The following DLGAP2 variants were observed in gnomAD, a reference collection of about 807,000 sequenced individuals.
DLGAP2 encodes disks large-associated protein 2.
A neutral mutation model predicts 100.3 loss-of-function variants in DLGAP2; 26 were observed. The ratio of observed to expected loss-of-function variants is 0.26; its 90% CI spans 0.19 to 0.36. The LOEUF (loss-of-function observed/expected upper bound fraction) is 0.36, where lower values mean the gene tolerates loss of function less well. Among genes scored for constraint, DLGAP2 ranks in the 10% least tolerant of loss-of-function variants. The probability of loss-of-function intolerance (pLI) is 1.00; values close to 1 mark genes in which losing one functional copy is unlikely to be tolerated. For synonymous variants in DLGAP2, 886 were observed against 630.1 expected, an observed-to-expected ratio of 1.41 and a Z score of -6.08; for missense variants, 1,858 against 1,453.2, an observed-to-expected ratio of 1.28 and a Z score of -4.53.
At chr8:1,462,550 A>T (rs1235695179) in intron 3 of DLGAP2, among the ~76,000 whole-genome samples, 1 of 151,280 alleles carries the variant, frequency 6.6e-6, no homozygotes, top group Non-Finnish European at 1.5e-5. Flanking sequence ...AGGAGGGAGA[A>T]GGGCGGTGTT....
At chr8:1,460,150 C>G (rs983012524) in intron 3 of DLGAP2, among the ~76,000 whole-genome samples, 1 of 152,188 alleles carries the variant, frequency 6.6e-6, no homozygotes, top group East Asian at 1.9e-4. Flanking sequence ...CTGTCCACAC[C>G]ATGCTTCCTT....
At chr8:1,025,679 C>A (rs1801777470) in intron 2 of DLGAP2, among the ~76,000 whole-genome samples, 1 of 152,072 alleles carries the variant, frequency 6.6e-6, no homozygotes, top group African/African-American at 2.4e-5. Context: ...ATGCCTGGCT[C>A]TGATAAAGTG....
chr8:1,357,209 G>A (rs1801875636), intron 3 of DLGAP2, among the ~76,000 whole-genome samples: 3 of 152,062 alleles, frequency 2.0e-5, no homozygotes, highest in Admixed American at 6.6e-5. Context: ...TGCTCAGGTG[G>A]CCTTGGTGCA....
intron 13 of DLGAP2, among the ~76,000 whole-genome samples, chr8:1,693,247 A>C (rs1022815108): frequency 6.7e-6 from 1 of 148,756 alleles, no homozygotes; most frequent in African/African-American, 2.4e-5. Flanking sequence ...TAAAACATGT[A>C]AGTTTACATG....
intron 8 of DLGAP2, among the ~76,000 whole-genome samples, chr8:1,661,477 C>T (rs1409715813): frequency 2.0e-5 from 3 of 152,200 alleles, no homozygotes; most frequent in Non-Finnish European, 4.4e-5. Flanking sequence ...TCATCAGATG[C>T]TGCAGGAAAG....
At chr8:848,910 GCATAGGAACGCGCGGTGCCTGTTC>G (rs1358097133) in intron 1 of DLGAP2, among the ~76,000 whole-genome samples, 2 of 150,644 alleles carry the variant, frequency 1.3e-5, no homozygotes, top group Non-Finnish European at 3.0e-5. Flanking sequence ...GCCTGTTCCA[GCATAGGAACGCGCGGTGCCTGTTC>G]CAGCATAGGA....
At chr8:957,164 A>T (rs1335505367) in intron 2 of DLGAP2, among the ~76,000 whole-genome samples, 1 of 152,220 alleles carries the variant, frequency 6.6e-6, no homozygotes, top group Non-Finnish European at 1.5e-5. Context: ...CTGGCTTCGG[A>T]GAGAGTCCTG....
At chr8:1,110,640 A>C (rs1804925247) in intron 2 of DLGAP2, among the ~76,000 whole-genome samples, 1 of 151,882 alleles carries the variant, frequency 6.6e-6, no homozygotes, top group South Asian at 2.1e-4. Context: ...ACTGTCCCTG[A>C]AATTAGGGGA....
intron 3 of DLGAP2, among the ~76,000 whole-genome samples, chr8:1,359,942 C>T (rs1454601416): frequency 1.3e-5 from 2 of 152,298 alleles, no homozygotes; most frequent in South Asian, 2.1e-4. Flanking sequence ...TAAACAGGAC[C>T]GTCCTGAGTT....
intron 1 of DLGAP2, among the ~76,000 whole-genome samples, chr8:862,206 C>T (rs536035917): frequency 7.9e-5 from 12 of 152,170 alleles, no homozygotes; most frequent in South Asian, 6.2e-4. Flanking sequence ...CGGGCTGAGT[C>T]GCACCCAGAT....
intron 2 of DLGAP2, among the ~76,000 whole-genome samples, chr8:1,210,931 A>T (rs546954962): frequency 9.1e-6 from 1 of 110,122 alleles, no homozygotes; most frequent in Non-Finnish European, 2.2e-5. Context: ...CTGCCCAGCA[A>T]TCAATGCCAT....
chr8:1,026,409 G>A lies in DLGAP2; in HGVS notation c.73+118443G>A, dbSNP rs185811646. Among the ~76,000 whole-genome samples the A allele has an allele frequency of 2.5e-3, 385 of 152,260 alleles. 3 individuals are homozygous for A. The highest frequency in any genetic ancestry group is 8.8e-3 in the African/African-American group (367 of 41,542). ...ACTGTCTGGCTTTGTGGACGAGGAC[G>A]CCCGCCGCCTTGGCTGCACCCTGGA... On this transcript the variant is annotated intron_variant, in intron 2 of 14. Transcript: ENST00000637795.
rs192940856 is a variant in DLGAP2 at position 1,241,991 on chromosome 8, C to T, written c.74-16860C>T. Among the ~76,000 whole-genome samples the T allele has an allele frequency of 5.5e-3, 831 of 152,282 alleles. 4 individuals are homozygous for T. Among genetic ancestry groups the T allele is most frequent in the Non-Finnish European group, 8.3e-3 (563 of 68,034 alleles). ...ATTCCTTTATGGCCCGAGATGGTCT[C>T]TGAGGGAACTCCAGGGAATGGTACG... On this transcript the variant is annotated intron_variant, in intron 2 of 14. Transcript: ENST00000637795.
intron 2 of DLGAP2, among the ~76,000 whole-genome samples, chr8:931,698 C>T (rs1158178191): frequency 6.6e-6 from 1 of 152,224 alleles, no homozygotes; most frequent in Non-Finnish European, 1.5e-5. Context: ...TGGCCACGCC[C>T]TGGCTCCCAG....
At chr8:1,097,896 C>G (rs1021871165) in intron 2 of DLGAP2, among the ~76,000 whole-genome samples, 3 of 151,586 alleles carry the variant, frequency 2.0e-5, no homozygotes, top group African/African-American at 7.3e-5. Flanking sequence ...AGACCCACCT[C>G]CCTGCGCTCA....
At chr8:1,094,196 G>C (rs1231653685) in intron 2 of DLGAP2, among the ~76,000 whole-genome samples, 1 of 152,226 alleles carries the variant, frequency 6.6e-6, no homozygotes, top group Non-Finnish European at 1.5e-5. Context: ...GCAGGGAACT[G>C]GGACTGGCTG....
intron 2 of DLGAP2, among the ~76,000 whole-genome samples, chr8:1,151,627 G>A (rs1796699180): frequency 6.6e-6 from 1 of 152,188 alleles, no homozygotes; most frequent in Non-Finnish European, 1.5e-5. Flanking sequence ...CTGGCTTTAG[G>A]TAGAAAGGAG....
At chr8:1,602,112 G>A (rs1796646808) in intron 6 of DLGAP2, among the ~76,000 whole-genome samples, 1 of 152,162 alleles carries the variant, frequency 6.6e-6, no homozygotes, top group Non-Finnish European at 1.5e-5. Flanking sequence ...TGTCAAATAT[G>A]TGAATGAGAG....
intron 3 of DLGAP2, among the ~76,000 whole-genome samples, chr8:1,314,388 C>T (rs1036359073): frequency 6.6e-6 from 1 of 152,216 alleles, no homozygotes; most frequent in African/African-American, 2.4e-5. Flanking sequence ...TATTCTGTCA[C>T]AGTAATGAAA....
Sources: allele counts gnomAD v4.1 joint callset (sites outside exome capture counted in the v4.1 genomes callset), GRCh38; gene constraint gnomAD v4.1.1; transcripts MANE v1.5; gene names NCBI Gene and HGNC (gene_info 2026-07-23, HGNC 2026-07-21).